The following ERLIN2 variants were observed in gnomAD, a reference collection of about 807,000 sequenced individuals.
ERLIN2 encodes the protein ER lipid raft associated 2, also known as erlin-2.
ERLIN2 carries 22 observed loss-of-function variants against 41.5 expected under a neutral mutation model. The ratio of observed to expected loss-of-function variants is 0.53; its 90% confidence interval spans 0.38 to 0.76. ERLIN2 has a LOEUF of 0.76. Among genes scored for constraint, ERLIN2 ranks in the 30% least tolerant of loss-of-function variants. The pLI is 0.00. For synonymous variants in ERLIN2, 149 were observed against 150.9 expected (o/e 0.99, Z 0.09); for missense variants, 247 against 414.3 (o/e 0.60, Z 3.51).
chr8:37,750,544 A>G (rs1022768268), intron 9 of ERLIN2, 58 bp downstream of exon 9: 97 of 1,432,108 alleles, frequency 6.8e-5, no homozygotes, highest in Middle Eastern at 2.4e-4. Context: ...GGTGGTGGGA[A>G]GATGCAAGGA....
chr8:37,754,419 C>G lies in ERLIN2; in HGVS notation c.*304C>G. On this transcript the variant is annotated 3_prime_UTR_variant, in exon 12 of 12. Coordinates refer to ENST00000519638, the MANE Select transcript of ERLIN2 (RefSeq NM_007175.8). ...AGGCTGGCTTAATTAGGGATGCTGT[C>G]ATTAAGGAGAGGGAGAAATGTAGAG... The G allele has an allele frequency of 5.1e-6, 2 of 393,924 alleles. No homozygotes were observed. Among genetic ancestry groups the G allele is most frequent in the Non-Finnish European group, 9.6e-6 (2 of 207,610 alleles). 24.4% of individuals were successfully genotyped at this position (393,924 alleles called of 1,614,324 possible). A position where few individuals can be genotyped will look rare whatever the true frequency, so the allele number is the denominator to read the frequency against.
rs753043006 is a variant in ERLIN2, at chr8:37,748,007, T to C, written c.425-1552T>C. On this transcript the variant is annotated intron_variant, in intron 6 of 11. Coordinates refer to ENST00000519638, the MANE Select transcript of ERLIN2 (RefSeq NM_007175.8). ...GACCGAGACACTACTTTCGGCATGG[T>C]TTCCAGGAGCAACCTGAAAAACTCT... 4 of 1,612,682 alleles carry C rather than the reference T, an allele frequency of 2.5e-6. No individual in the cohort carries two copies. In the African/African-American group the frequency reaches 5.3e-5, roughly 22 times the overall value.
At chr8:37,740,306 G>A (rs1585900403) in intron 2 of ERLIN2, 59 bp from the exon 3 acceptor site, 5 of 1,162,708 alleles carry the variant, frequency 4.3e-6, no homozygotes, top group East Asian at 2.4e-5. Context: ...TCATGATATT[G>A]ATCTAACAGA....
intron 4 of ERLIN2, among the ~76,000 whole-genome samples, 193 bp downstream of exon 4, chr8:37,742,011 A>C (rs1802866525): frequency 6.6e-6 from 1 of 152,104 alleles, no homozygotes; most frequent in South Asian, 2.1e-4. Context: ...GAGGGGCTAG[A>C]ATGCTGTATG....
Position 37,740,423 on chromosome 8 carries a change from A to C in ERLIN2, c.166A>C (p.Ile56Leu). Reference sequence around the variant, plus strand: ...TGGTTTCCATCTCATGCTCCCTTTCATCACATCATATAAGTCTGTGCAGGT... The same window carrying C: ...TGGTTTCCATCTCATGCTCCCTTTCCTCACATCATATAAGTCTGTGCAGGT... ...GPGFHLMLPF[I>L]TSYKSVQTTL... Residue 56 changes from isoleucine (I) to leucine (L), a missense_variant, in exon 3 of 12, where the codon ATC becomes CTC. Around this residue, in one of 3 missense-constraint regions of ERLIN2, gnomAD observed 93 missense variants for 139.0 expected, o/e 0.67. Transcript: ENST00000519638. 1 of 1,613,022 alleles carries C rather than the reference A, an allele frequency of 6.2e-7. No homozygotes were observed. Among genetic ancestry groups the C allele is most frequent in the East Asian group, 2.2e-5 (1 of 44,786 alleles).
At chr8:37,744,792 A>G in intron 6 of ERLIN2, 96 bp downstream of exon 6, 1 of 1,270,612 alleles carries the variant, frequency 7.9e-7, no homozygotes, top group Non-Finnish European at 1.1e-6. Context: ...GCAGGGTGTG[A>G]TGGTCACTTA....
At chr8:37,745,218 A>G in intron 6 of ERLIN2, 2 of 445,560 alleles carry the variant, frequency 4.5e-6, no homozygotes, top group Non-Finnish European at 7.9e-6. Flanking sequence ...ATGGGTGATG[A>G]AAAAGACATG....
At chr8:37,736,753 C>T in intron 1 of ERLIN2, 75 bp downstream of exon 1, 1 of 985,724 alleles carries the variant, frequency 1.0e-6, no homozygotes, top group Non-Finnish European at 1.2e-6. Flanking sequence ...CCGTCACTTT[C>T]GGGAACCTCA....
rs1802858363 is a variant in ERLIN2, at chr8:37,741,749, C to T, written c.190-23C>T. ...CTTTGTCACTGCCCATCTTCTAGCA[C>T]TTTATGTTTCCTCTGTTTCCAGACC... On this transcript the variant is annotated intron_variant, in intron 3 of 11. Coordinates refer to ENST00000519638, the MANE Select transcript of ERLIN2 (RefSeq NM_007175.8). The surrounding 1 kb of genome is among the most constrained non-coding windows in gnomAD (Gnocchi z 4.8). 6.2e-7 allele frequency: 1 copy of T among 1,604,686 alleles called. No individual in the cohort carries two copies. The highest frequency in any genetic ancestry group is 1.1e-5 in the South Asian group (1 of 90,932).
chr8:37,751,139 T>C (rs578116191), intron 9 of ERLIN2, among the ~76,000 whole-genome samples: 4 of 152,382 alleles, frequency 2.6e-5, no homozygotes, highest in East Asian at 3.9e-4. Context: ...AGGTAGGTAC[T>C]GTATTATCCT....
intron 2 of ERLIN2, among the ~76,000 whole-genome samples, chr8:37,738,693 C>G (rs980202397): frequency 6.6e-6 from 1 of 152,110 alleles, no homozygotes; most frequent in African/African-American, 2.4e-5. Flanking sequence ...TGAGACCAGC[C>G]TGAGCAACAT....
At chr8:37,739,870 A>G (rs1488394578) in intron 2 of ERLIN2, among the ~76,000 whole-genome samples, 2 of 151,822 alleles carry the variant, frequency 1.3e-5, no homozygotes, top group South Asian at 2.1e-4. Flanking sequence ...CAGTGGCACA[A>G]TTATGTCTCA....
intron 4 of ERLIN2, among the ~76,000 whole-genome samples, chr8:37,742,318 C>T (rs989203896): frequency 2.8e-5 from 4 of 143,746 alleles, no homozygotes; most frequent in Non-Finnish European, 6.0e-5. Context: ...TCCAGCCTGG[C>T]GACAGAGTGA....
At chr8:37,746,636 A>C in intron 6 of ERLIN2, 1 of 568,604 alleles carries the variant, frequency 1.8e-6, no homozygotes, top group Non-Finnish European at 2.2e-6. Flanking sequence ...TAGCTGCCCG[A>C]CTAGAGGGCA....
Position 37,757,416 on chromosome 8 carries a change from CT to C in ERLIN2, c.*3306del, listed in dbSNP as rs1200876299. ...TCATTTTGTGTTTGTATTTCCATTC[CT>C]TTTTATTTCTGCCTTTGTGTAGACT... On this transcript the variant is annotated 3_prime_UTR_variant, in exon 12 of 12. Coordinates refer to ENST00000519638, the MANE Select transcript of ERLIN2 (RefSeq NM_007175.8). 1 of 151,726 alleles carries C rather than the reference CT, an allele frequency of 6.6e-6. No individual in the cohort carries two copies. The highest frequency in any genetic ancestry group is 2.4e-5 in the African/African-American group (1 of 41,268). The allele number at this position is 151,726 out of a possible 1,614,324, so 9.4% of individuals were successfully genotyped here.
Position 37,754,382 on chromosome 8 carries a change from T to C in ERLIN2, c.*267T>C. The C allele has an allele frequency of 2.2e-6, 1 of 452,372 alleles. No individual in the cohort carries two copies. The highest frequency in any genetic ancestry group is 4.1e-6 in the Non-Finnish European group (1 of 244,916). 28.0% of individuals were successfully genotyped at this position (452,372 alleles called of 1,614,324 possible). ...TTGACCTTTGACCTCTAGACACTAA[T>C]TTTATCCTTTGAGGCTGGCTTAATT... On this transcript the variant is annotated 3_prime_UTR_variant, in exon 12 of 12. Coordinates refer to ENST00000519638, the MANE Select transcript of ERLIN2 (RefSeq NM_007175.8).
chr8:37,749,152 T>A (rs1302541991), intron 6 of ERLIN2, among the ~76,000 whole-genome samples: 1 of 152,196 alleles, frequency 6.6e-6, no homozygotes, highest in African/African-American at 2.4e-5. Flanking sequence ...CCATTCCACC[T>A]TCCTTCTTCT....
intron 11 of ERLIN2, 135 bp downstream of exon 11, chr8:37,753,664 G>A: frequency 1.2e-6 from 1 of 837,154 alleles, no homozygotes; most frequent in African/African-American, 1.7e-5. Flanking sequence ...TTGCTGTGTG[G>A]TGCAGGTACT....
rs1174838917 is a variant in ERLIN2, at chr8:37,739,115, T to A, written c.107+1086T>A. On this transcript the variant is annotated intron_variant, in intron 2 of 11. Coordinates refer to ENST00000519638, the MANE Select transcript of ERLIN2 (RefSeq NM_007175.8). ...AACCTCCATGACCAAGTGTTTTGCTTTATGTCTTTATGAACTCTTCTTATA... is the reference window on the plus strand; with the variant it reads ...AACCTCCATGACCAAGTGTTTTGCTATATGTCTTTATGAACTCTTCTTATA... Among the ~76,000 whole-genome samples, 5 of 152,290 alleles carry A rather than the reference T, an allele frequency of 3.3e-5. No individual in the cohort carries two copies. The East Asian group carries it at 9.6e-4, about 29-fold the overall frequency.
Sources: allele counts gnomAD v4.1 joint callset (sites outside exome capture counted in the v4.1 genomes callset), GRCh38; gene constraint gnomAD v4.1.1; regional missense constraint gnomAD v4.1.1; non-coding constraint Gnocchi (gnomAD v3.1); transcripts MANE v1.5; gene names NCBI Gene and HGNC (gene_info 2026-07-23, HGNC 2026-07-21).